Variants in UTRN observed in about 807,000 individuals in gnomAD.
The protein encoded by UTRN is dystrophin-related protein 1.
A neutral mutation model predicts 463.9 loss-of-function variants in UTRN; 283 were observed. That is an observed-to-expected ratio of 0.61 (90% CI 0.55 to 0.67). The LOEUF (loss-of-function observed/expected upper bound fraction) is 0.67, where lower values mean the gene tolerates loss of function less well. Among genes scored for constraint, UTRN ranks in the 30% least tolerant of loss-of-function variants. The probability of loss-of-function intolerance (pLI) is 0.00; values close to 1 mark genes in which losing one functional copy is unlikely to be tolerated. For synonymous variants in UTRN, 1,442 were observed against 1,431.5 expected (o/e 1.01, Z -0.17); for missense variants, 3,922 against 4,084.3 (o/e 0.96, Z 1.08).
intron 53 of UTRN, among the ~76,000 whole-genome samples, chr6:144,714,154 C>A (rs759406712): frequency 2.6e-5 from 4 of 152,122 alleles, no homozygotes; most frequent in African/African-American, 9.6e-5. Flanking sequence ...TGTCTGCATA[C>A]CAACGGAAAG....
At chr6:144,602,403 T>C (rs1804352864) in intron 51 of UTRN, among the ~76,000 whole-genome samples, 1 of 152,072 alleles carries the variant, frequency 6.6e-6, no homozygotes, top group South Asian at 2.1e-4. Flanking sequence ...CCTCCTAAAG[T>C]GCTGGAATTA....
intron 2 of UTRN, among the ~76,000 whole-genome samples, chr6:144,325,490 C>T (rs1485411921): frequency 6.6e-6 from 1 of 152,138 alleles, no homozygotes; most frequent in South Asian, 2.1e-4. Context: ...ATCCTTGAGC[C>T]AAATAAATTT....
chr6:144,831,392 G>T (rs549446725), intron 69 of UTRN, among the ~76,000 whole-genome samples: 1 of 152,296 alleles, frequency 6.6e-6, no homozygotes, highest in East Asian at 1.9e-4. Flanking sequence ...GTCAGAGAGA[G>T]ATCTGCAGAT....
chr6:144,490,792 T>A, intron 31 of UTRN, 137 bp from the exon 32 acceptor site: 1 of 985,886 alleles, frequency 1.0e-6, no homozygotes. Context: ...CATTAGGAGT[T>A]TTTTATTTTG....
chr6:144,467,328 C>T (rs186432808), intron 23 of UTRN, among the ~76,000 whole-genome samples: 21 of 152,350 alleles, frequency 1.4e-4, no homozygotes, highest in African/African-American at 3.8e-4. Context: ...GTGTCATTTA[C>T]ACCTTCACAA....
chr6:144,317,797 A>T (rs192337245), intron 2 of UTRN, among the ~76,000 whole-genome samples: 2 of 152,302 alleles, frequency 1.3e-5, no homozygotes, highest in Admixed American at 1.3e-4. Flanking sequence ...TAGTCCTCAG[A>T]CTTTCCTGTC....
At chr6:144,635,514 C>CTTTTCTTTTTTTTTTTTT (rs1777035213) in intron 51 of UTRN, among the ~76,000 whole-genome samples, 2 of 80,012 alleles carry the variant, frequency 2.5e-5, no homozygotes, top group Admixed American at 1.9e-4. Flanking sequence ...CTTTTTTTTT[C>CTTTTCTTTTTTTTTTTTT]TTTTTTTTTT....
Position 144,346,921 on chromosome 6 carries a change from C to T in UTRN, c.79+55014C>T, listed in dbSNP as rs1053422047. 2.7e-5 allele frequency among the ~76,000 whole-genome samples: 4 copies of T among 149,770 alleles called. No individual in the cohort carries two copies. In the South Asian group the frequency reaches 6.2e-4, roughly 23 times the overall value. On this transcript the variant is annotated intron_variant, in intron 2 of 74. Transcript: ENST00000367545. ...ATCTATCTATCATCTATCTATCTAT[C>T]GATCTCTATCTTTATCCAGCTGTAT... is the stretch of plus-strand genomic sequence containing the variant.
At chr6:144,528,060 G>C (rs1046788671) in intron 41 of UTRN, among the ~76,000 whole-genome samples, 1 of 121,790 alleles carries the variant, frequency 8.2e-6, no homozygotes, top group Admixed American at 9.1e-5. Flanking sequence ...TTTTGAGATG[G>C]AGTCTTACTC....
At chr6:144,686,438 T>A (rs765922601) in intron 52 of UTRN, among the ~76,000 whole-genome samples, 1 of 152,130 alleles carries the variant, frequency 6.6e-6, no homozygotes, top group African/African-American at 2.4e-5. Flanking sequence ...GTCCAGTGTT[T>A]CTTGGTTAAC....
intron 2 of UTRN, among the ~76,000 whole-genome samples, chr6:144,305,055 C>G (rs1805599333): frequency 6.6e-6 from 1 of 151,890 alleles, no homozygotes; most frequent in Non-Finnish European, 1.5e-5. Flanking sequence ...CCTCAGCCAC[C>G]CGAATAGCTG....
intron 51 of UTRN, among the ~76,000 whole-genome samples, chr6:144,635,504 C>CTTTTTT (rs200118539): frequency 4.2e-5 from 2 of 47,986 alleles, no homozygotes; most frequent in African/African-American, 6.7e-5. Flanking sequence ...AGCAGCTAGC[C>CTTTTTT]TTTTTTTTTC....
intron 3 of UTRN, among the ~76,000 whole-genome samples, chr6:144,418,510 A>G (rs966598201): frequency 4.4e-4 from 67 of 151,444 alleles, no homozygotes; most frequent in Non-Finnish European, 1.0e-4. Flanking sequence ...GGCGTGAGCC[A>G]TCGTGCCAGG....
At chr6:144,602,847 C>G (rs1280872777) in intron 51 of UTRN, among the ~76,000 whole-genome samples, 1 of 152,152 alleles carries the variant, frequency 6.6e-6, no homozygotes, top group Non-Finnish European at 1.5e-5. Context: ...CAACATTATT[C>G]TAGGACCTGC....
At chr6:144,423,720 A>T in intron 5 of UTRN, 94 bp downstream of exon 5, 1 of 1,397,516 alleles carries the variant, frequency 7.2e-7, no homozygotes, top group Non-Finnish European at 1.0e-6. Flanking sequence ...GCATCCACTG[A>T]TTCTTGCAAA....
At position 144,389,597 on chromosome 6, in the gene UTRN, TC is replaced by T. The variant is rs1223195228; in HGVS notation, c.80-13525del. Among the ~76,000 whole-genome samples, 220 of 151,530 alleles carry T rather than the reference TC, an allele frequency of 1.5e-3. 2 individuals are homozygous for T. The highest frequency in any genetic ancestry group is 5.2e-3 in the African/African-American group (215 of 41,134). Reference sequence around the variant, plus strand: ...TGCACATCCCTTTCTCCTTCATTACTCTTTTTTTTTTCCCCCCCTGAGACGG... The same window carrying T: ...TGCACATCCCTTTCTCCTTCATTACTTTTTTTTTTTCCCCCCCTGAGACGG... On this transcript the variant is annotated intron_variant, in intron 2 of 74. Transcript: ENST00000367545.
At chr6:144,522,786 T>C (rs560628761) in intron 40 of UTRN, among the ~76,000 whole-genome samples, 2 of 152,304 alleles carry the variant, frequency 1.3e-5, no homozygotes, top group East Asian at 1.9e-4. Context: ...ATGCTACTAT[T>C]GTGAGGACTT....
At chr6:144,715,199 A>C (rs1218558334) in intron 53 of UTRN, among the ~76,000 whole-genome samples, 1 of 152,166 alleles carries the variant, frequency 6.6e-6, no homozygotes, top group East Asian at 1.9e-4. Flanking sequence ...AGCGTTCTGC[A>C]TTTCAGTTGG....
intron 51 of UTRN, among the ~76,000 whole-genome samples, chr6:144,602,365 C>T (rs1287770605): frequency 6.6e-6 from 1 of 151,954 alleles, no homozygotes; most frequent in Non-Finnish European, 1.5e-5. Context: ...TCTTAAACTC[C>T]TGACATCATG....
Sources: gnomAD v4.1 joint callset for allele counts (sites outside exome capture counted in the v4.1 genomes callset) on GRCh38, gnomAD v4.1.1 for gene constraint, MANE v1.5 for transcripts, NCBI Gene and HGNC (gene_info 2026-07-23, HGNC 2026-07-21) for gene names.